MATCAP2: variants seen among roughly 807,000 people sequenced by gnomAD.
MATCAP2 encodes putative tyrosine carboxypeptidase MATCAP2.
At chr7:36,372,513 G>A in the MATCAP2 span, among the ~76,000 whole-genome samples, 39 of 152,298 alleles carry the variant, frequency 2.6e-4, no homozygotes, top group African/African-American at 8.9e-4. Flanking sequence ...TTTGTGAAAC[G>A]CCTCTGCCTT....
At chr7:36,389,493 G>T in the MATCAP2 span, among the ~76,000 whole-genome samples, 1 of 152,174 alleles carries the variant, frequency 6.6e-6, no homozygotes, top group Non-Finnish European at 1.5e-5. Flanking sequence ...CTCCCCAAAT[G>T]CTGGGATTAT....
the MATCAP2 span, among the ~76,000 whole-genome samples, chr7:36,343,651 G>GAAAAGAGAA: frequency 9.2e-6 from 1 of 108,468 alleles, no homozygotes; most frequent in African/African-American, 3.2e-5. Context: ...AAAAAGAAAA[G>GAAAAGAGAA]AGAAGGAAGG....
the MATCAP2 span, among the ~76,000 whole-genome samples, chr7:36,344,561 G>T: frequency 2.0e-5 from 3 of 152,110 alleles, no homozygotes; most frequent in Non-Finnish European, 4.4e-5. Context: ...AAAACAAATG[G>T]TTAAGTGCCT....
At chr7:36,360,197 T>C in the MATCAP2 span, among the ~76,000 whole-genome samples, 2 of 152,180 alleles carry the variant, frequency 1.3e-5, no homozygotes, top group South Asian at 2.1e-4. Flanking sequence ...TAAGACCTAG[T>C]AGCTTTACGA....
At chr7:36,348,311 T>C in the MATCAP2 span, among the ~76,000 whole-genome samples, 6 of 152,350 alleles carry the variant, frequency 3.9e-5, no homozygotes, top group Non-Finnish European at 7.3e-5. Flanking sequence ...ATTTAAGGTA[T>C]TGTAGCCACA....
At chr7:36,331,648 T>C in the MATCAP2 span, among the ~76,000 whole-genome samples, 3 of 152,304 alleles carry the variant, frequency 2.0e-5, no homozygotes, top group East Asian at 5.8e-4. Context: ...AACTAGATTT[T>C]GGAGAGCATG....
chr7:36,355,867 A>G, the MATCAP2 span: 6 of 152,230 alleles, frequency 3.9e-5, no homozygotes, highest in Non-Finnish European at 7.3e-5. Flanking sequence ...CCCTGCAGAT[A>G]AACATTAGCT....
At chr7:36,349,238 G>A in the MATCAP2 span, among the ~76,000 whole-genome samples, 10 of 152,270 alleles carry the variant, frequency 6.6e-5, no homozygotes, top group East Asian at 1.3e-3. Context: ...GGAGAGCAGG[G>A]GAGAGACAGA....
chr7:36,390,082 C>A, the MATCAP2 span: 3 of 1,612,586 alleles, frequency 1.9e-6, no homozygotes, highest in Admixed American at 1.7e-5. Context: ...CATGACCCAC[C>A]GCTCTAGGCC....
At chr7:36,370,508 C>T in the MATCAP2 span, among the ~76,000 whole-genome samples, 7 of 151,998 alleles carry the variant, frequency 4.6e-5, 1 homozygote, top group African/African-American at 9.7e-5. Context: ...GATGGAGTTT[C>T]GCTCTTTTTT....
At chr7:36,350,261 G>C in the MATCAP2 span, among the ~76,000 whole-genome samples, 1 of 152,028 alleles carries the variant, frequency 6.6e-6, no homozygotes, top group Non-Finnish European at 1.5e-5. Flanking sequence ...CATTTGACCT[G>C]TTTTAAAGCA....
chr7:36,359,102 T>C, the MATCAP2 span, among the ~76,000 whole-genome samples: 99 of 152,338 alleles, frequency 6.5e-4, 1 homozygote, highest in Non-Finnish European at 1.2e-3. Flanking sequence ...TATGTACTTG[T>C]AGTTCTGGGA....
At chr7:36,383,078 C>T in the MATCAP2 span, among the ~76,000 whole-genome samples, 2 of 152,060 alleles carry the variant, frequency 1.3e-5, no homozygotes, top group Admixed American at 6.6e-5. Flanking sequence ...TGTTCATGCT[C>T]ACTCTGGAAT....
At chr7:36,390,098 C>G in the MATCAP2 span, 1 of 1,611,784 alleles carries the variant, frequency 6.2e-7, no homozygotes, top group Non-Finnish European at 8.5e-7. Flanking sequence ...AGGCCCCCAC[C>G]CACCTTCCTC....
the MATCAP2 span, chr7:36,356,501 A>G: frequency 0.032 from 9,238 of 284,546 alleles, 660 homozygotes; most frequent in East Asian, 0.23. Flanking sequence ...GGCAAAGAGC[A>G]AGAATCTGTC....
the MATCAP2 span, among the ~76,000 whole-genome samples, chr7:36,369,848 A>C: frequency 2.6e-5 from 4 of 152,180 alleles, no homozygotes; most frequent in African/African-American, 9.6e-5. Context: ...ACTTCACTAC[A>C]ATTAAGAATT....
At chr7:36,361,707 A>G in the MATCAP2 span, among the ~76,000 whole-genome samples, 1 of 152,228 alleles carries the variant, frequency 6.6e-6, no homozygotes, top group South Asian at 2.1e-4. Flanking sequence ...CCTAGACAAC[A>G]TAGCAAAACT....
At chr7:36,338,376 T>C in the MATCAP2 span, among the ~76,000 whole-genome samples, 2 of 143,860 alleles carry the variant, frequency 1.4e-5, no homozygotes, top group Middle Eastern at 3.3e-3. Flanking sequence ...TGGCTCACTG[T>C]AGACTCAACC....
the MATCAP2 span, among the ~76,000 whole-genome samples, chr7:36,360,384 C>T: frequency 6.6e-6 from 1 of 152,124 alleles, no homozygotes; most frequent in African/African-American, 2.4e-5. Flanking sequence ...ACAGTATATG[C>T]CTGACAGAAC....
Sources: allele counts gnomAD v4.1 joint callset (sites outside exome capture counted in the v4.1 genomes callset), GRCh38; gene constraint gnomAD v4.1.1; transcripts MANE v1.5; gene names NCBI Gene and HGNC (gene_info 2026-07-23, HGNC 2026-07-21).